The following OPHN1 variants were observed in gnomAD, a reference collection of about 807,000 sequenced individuals.
OPHN1 encodes oligophrenin-1.
A neutral mutation model predicts 60.7 loss-of-function variants in OPHN1; 11 were observed. That is an observed-to-expected ratio of 0.18 (90% CI 0.11 to 0.30). The LOEUF (loss-of-function observed/expected upper bound fraction) is 0.30. Ranked by LOEUF, OPHN1 falls within the 10% of genes least tolerant of loss-of-function variation. OPHN1 has a pLI of 1.00. For missense variants in OPHN1, 449 were observed against 611.0 expected, an observed-to-expected ratio of 0.73 and a Z score of 2.80; for synonymous variants, 226 against 222.6, an observed-to-expected ratio of 1.02 and a Z score of -0.14.
In OPHN1 at chrX:68,160,408, A is replaced by T. The variant is rs185340845; in HGVS notation, c.1276+32511T>A. On this transcript the variant is annotated intron_variant, in intron 15 of 24. Coordinates refer to ENST00000355520, the MANE Select transcript of OPHN1 (RefSeq NM_002547.3). Reference sequence around the variant, plus strand: ...AGATGAATAGGAAATAGAAGACATTAATAGGCCTATAAACTAAGTATACAT... The same window carrying T: ...AGATGAATAGGAAATAGAAGACATTTATAGGCCTATAAACTAAGTATACAT... 1.7e-4 allele frequency among the ~76,000 whole-genome samples: 19 copies of T among 111,689 alleles called. No individual in the cohort carries two copies. The East Asian group carries it at 5.3e-3, about 31-fold the overall frequency.
intron 2 of OPHN1, among the ~76,000 whole-genome samples, chrX:68,352,469 T>C (rs1369807569): frequency 2.7e-5 from 3 of 110,911 alleles, no homozygotes; most frequent in African/African-American, 9.8e-5. Context: ...TTGCTATGCA[T>C]GCATTTCTTG....
intron 2 of OPHN1, among the ~76,000 whole-genome samples, chrX:68,407,273 C>A (rs945014125): frequency 1.8e-5 from 2 of 112,180 alleles, no homozygotes; most frequent in Non-Finnish European, 1.9e-5. Context: ...AATCGACAGA[C>A]CTGGGTTCTA....
At chrX:68,098,073 C>G (rs1199823334) in intron 18 of OPHN1, among the ~76,000 whole-genome samples, 7 of 110,571 alleles carry the variant, frequency 6.3e-5, no homozygotes, top group Middle Eastern at 4.7e-3. Flanking sequence ...CCCCATACCT[C>G]TCTGCTCATG....
chrX:68,246,553 G>A (rs1241829293), intron 5 of OPHN1, among the ~76,000 whole-genome samples: 1 of 111,729 alleles, frequency 9.0e-6, no homozygotes, highest in Non-Finnish European at 1.9e-5. Context: ...TGGCACAGAG[G>A]AGACAAGAAA....
intron 2 of OPHN1, among the ~76,000 whole-genome samples, chrX:68,432,006 G>A (rs747420340): frequency 1.1e-4 from 12 of 110,311 alleles, no homozygotes; most frequent in African/African-American, 3.3e-4. Context: ...CTGCACTCTC[G>A]TTGGGGATGT....
chrX:68,163,284 T>A (rs1701351421), intron 15 of OPHN1, among the ~76,000 whole-genome samples: 1 of 111,121 alleles, frequency 9.0e-6, no homozygotes, highest in Non-Finnish European at 1.9e-5. Flanking sequence ...ACCACTGAAT[T>A]TTTTTTTGTT....
chrX:68,108,469 T>C (rs1263960679), intron 18 of OPHN1, among the ~76,000 whole-genome samples: 2 of 112,283 alleles, frequency 1.8e-5, no homozygotes, highest in African/African-American at 6.5e-5. Flanking sequence ...CTTAATTTAA[T>C]TTTAATGTTA....
In OPHN1 at chrX:68,063,980, G is replaced by T; in HGVS notation, c.2032C>A (p.Gln678Lys). 1 of 1,210,040 alleles carries T rather than the reference G, an allele frequency of 8.3e-7. No homozygotes were observed. The highest frequency in any genetic ancestry group is 3.0e-5 in the East Asian group (1 of 33,770). ...VDVGKLVSRL[Q>K]DGGTKITPKA... ...GGGGTGATCTTGGTCCCTCCATCCT[G>T]CAGCCTAGACACCAACTTCCCCACG... Residue 678 changes from glutamine (Q) to lysine (K), a missense_variant, in exon 21 of 25, where the codon CAG becomes AAG. Coordinates refer to ENST00000355520, the MANE Select transcript of OPHN1 (RefSeq NM_002547.3).
chrX:68,208,425 A>G (rs1174519657), intron 9 of OPHN1, among the ~76,000 whole-genome samples: 2 of 111,839 alleles, frequency 1.8e-5, no homozygotes, highest in East Asian at 5.6e-4. Context: ...ACTCCCACTC[A>G]TCATTCAAGT....
At chrX:68,093,085 T>C (rs1602150546) in intron 19 of OPHN1, among the ~76,000 whole-genome samples, 1 of 111,244 alleles carries the variant, frequency 9.0e-6, no homozygotes, top group African/African-American at 3.3e-5. Context: ...ATCTTTACTA[T>C]GTGGATGACC....
intron 2 of OPHN1, among the ~76,000 whole-genome samples, chrX:68,318,708 C>T (rs1187583533): frequency 9.0e-6 from 1 of 110,811 alleles, no homozygotes; most frequent in African/African-American, 3.3e-5. Context: ...TGGTTTTTAC[C>T]TAAGGTCTTT....
At chrX:68,407,978 GGT>G (rs1386372602) in intron 2 of OPHN1, among the ~76,000 whole-genome samples, 2 of 112,160 alleles carry the variant, frequency 1.8e-5, no homozygotes, top group East Asian at 5.6e-4. Flanking sequence ...TGTTGGTGGT[GGT>G]GTTGTTTAGA....
In OPHN1 at chrX:68,075,525, T is replaced by C. The variant is rs180746632; in HGVS notation, c.1687-2226A>G. Among the ~76,000 whole-genome samples, 48 of 110,864 alleles carry C rather than the reference T, an allele frequency of 4.3e-4. No individual in the cohort carries two copies. The East Asian group carries it at 0.011, about 25-fold the overall frequency. ...ATAAGGACATGCAAAGAACCTAGAA[T>C]AGCCAAAACAATCTTGAAAAAGAAA... On this transcript the variant is annotated intron_variant, in intron 19 of 24. Transcript: ENST00000355520.
chrX:68,063,884 C>G lies in OPHN1; in HGVS notation c.2128G>C (p.Ala710Pro). The G allele has an allele frequency of 8.5e-7, 1 of 1,177,364 alleles. No individual in the cohort carries two copies. The highest frequency in any genetic ancestry group is 1.1e-6 in the Non-Finnish European group (1 of 876,771). The change falls in exon 21 of 25, where the codon GCT becomes CCT. Residue 710 changes from alanine to proline, a missense_variant. Physicochemically the swap from Ala to Pro is conservative, Grantham distance 27. Around this residue, in one of 4 missense-constraint regions of OPHN1, gnomAD observed 184 missense variants for 160.5 expected, o/e 1.15. Coordinates refer to ENST00000355520, the MANE Select transcript of OPHN1 (RefSeq NM_002547.3). ...TTGTGGTGGGCCAGGGGCCGGGGAGCTGGTCTCTTTATGTGGAAAGAGGGG... is the reference window on the plus strand; with the variant it reads ...TTGTGGTGGGCCAGGGGCCGGGGAGGTGGTCTCTTTATGTGGAAAGAGGGG... Reference protein sequence around the residue: ...KTPSFHIKRPAPRPLAHHKEG... With the variant: ...KTPSFHIKRPPPRPLAHHKEG...
chrX:68,210,850 CAT>C (rs898382209), intron 8 of OPHN1, among the ~76,000 whole-genome samples: 3 of 111,633 alleles, frequency 2.7e-5, no homozygotes, highest in Non-Finnish European at 5.6e-5. Flanking sequence ...AATGGTAAGA[CAT>C]GTGTTGAAAT....
At chrX:68,296,019 G>A (rs1385932174) in intron 3 of OPHN1, among the ~76,000 whole-genome samples, 1 of 111,234 alleles carries the variant, frequency 9.0e-6, no homozygotes, top group Admixed American at 9.6e-5. Context: ...GGCACACTCT[G>A]CGTTCTCAGC....
intron 15 of OPHN1, among the ~76,000 whole-genome samples, chrX:68,124,888 T>A (rs1232471813): frequency 9.0e-6 from 1 of 111,320 alleles, no homozygotes; most frequent in Non-Finnish European, 1.9e-5. Flanking sequence ...ACTCAAGCGA[T>A]CTGCCCACTT....
At chrX:68,061,414 GCTTGGCAACAGACAAGACAAATTTTA>G in intron 21 of OPHN1, among the ~76,000 whole-genome samples, 1 of 111,348 alleles carries the variant, frequency 9.0e-6, no homozygotes, top group South Asian at 3.9e-4. Context: ...CAGTCTCAAG[GCTTGGCAACAGACAAGACAAATTTTA>G]CTGTGACGAG....
At chrX:68,109,733 AT>A (rs2077096332) in intron 18 of OPHN1, among the ~76,000 whole-genome samples, 3 of 111,653 alleles carry the variant, frequency 2.7e-5, no homozygotes, top group Non-Finnish European at 1.9e-5. Context: ...ACAGCCAGAG[AT>A]TTTTTATGAT....
Sources: allele counts gnomAD v4.1 joint callset (sites outside exome capture counted in the v4.1 genomes callset), GRCh38; gene constraint gnomAD v4.1.1; regional missense constraint gnomAD v4.1.1; transcripts MANE v1.5; gene names NCBI Gene and HGNC (gene_info 2026-07-23, HGNC 2026-07-21).